Variants in NSUN2 observed in about 807,000 individuals in gnomAD.
NSUN2 encodes RNA cytosine C(5)-methyltransferase NSUN2.
In NSUN2, 63 loss-of-function variants were observed where a neutral mutation model predicts 92.7. The ratio of observed to expected loss-of-function variants is 0.68; its 90% CI spans 0.56 to 0.84. NSUN2 has a LOEUF of 0.84. NSUN2 is among the 40% of genes least tolerant of loss of function. The pLI is 0.00. For missense variants in NSUN2, 989 were observed against 964.9 expected, an observed-to-expected ratio of 1.02 and a Z score of -0.33; for synonymous variants, 356 against 348.3, an observed-to-expected ratio of 1.02 and a Z score of -0.25.
At position 6,601,187 on chromosome 5, in the gene NSUN2, G is replaced by T. The variant is rs569089154; in HGVS notation, c.1998-955C>A. Among the ~76,000 whole-genome samples, 5 of 151,794 alleles carry T rather than the reference G, an allele frequency of 3.3e-5. No individual in the cohort carries two copies. The South Asian group carries it at 1.0e-3, about 32-fold the overall frequency. On this transcript the variant is annotated intron_variant, in intron 18 of 18. Coordinates refer to ENST00000264670, the MANE Select transcript of NSUN2 (RefSeq NM_017755.6). ...TTAAAAAAAAAAAACCATTATTCCTGAAGTTGACCTGTCACCTGTGTATTT... is the reference window on the plus strand; with the variant it reads ...TTAAAAAAAAAAAACCATTATTCCTTAAGTTGACCTGTCACCTGTGTATTT...
In NSUN2 at chr5:6,625,546, C is replaced by T; in HGVS notation, c.465+18G>A. On this transcript the variant is annotated intron_variant, in intron 4 of 18. Coordinates refer to ENST00000264670, the MANE Select transcript of NSUN2 (RefSeq NM_017755.6). The stretch of plus-strand genomic sequence containing the variant: ...TACAGCTTTAAGGAAACTAGCAAGT[C>T]TAAAGAAATCAACTTACAGATTCTG... 6.3e-7 allele frequency: 1 copy of T among 1,577,292 alleles called. No individual in the cohort carries two copies.
rs560456667 is a variant in NSUN2 at position 6,626,950 on chromosome 5, T to C, written c.360-1281A>G. Among the ~76,000 whole-genome samples, 35 of 152,206 alleles carry C rather than the reference T, an allele frequency of 2.3e-4. 1 individual carries two copies. The South Asian group carries it at 6.6e-3, about 29-fold the overall frequency. On this transcript the variant is annotated intron_variant, in intron 3 of 18. Transcript: ENST00000264670. ...AACACATTTGACTGCTTTTAAACTC[T>C]GATTTTTTGATGGAAACAAACTCAG... is the stretch of plus-strand genomic sequence containing the variant.
chr5:6,616,901 GA>G, intron 8 of NSUN2, 44 bp from the exon 9 acceptor site: 1 of 1,566,612 alleles, frequency 6.4e-7, no homozygotes, highest in Non-Finnish European at 8.7e-7. Flanking sequence ...ATGTATCCAT[GA>G]AGTGCACATA....
At chr5:6,624,909 A>G (rs930470317) in intron 4 of NSUN2, among the ~76,000 whole-genome samples, 7 of 152,244 alleles carry the variant, frequency 4.6e-5, no homozygotes, top group African/African-American at 1.7e-4. Flanking sequence ...TATTTAGTAC[A>G]TAAGCAAATA....
chr5:6,614,159 C>G (rs943927356), intron 9 of NSUN2, among the ~76,000 whole-genome samples: 5 of 132,162 alleles, frequency 3.8e-5, no homozygotes, highest in African/African-American at 1.4e-4. Flanking sequence ...ATAAAGCCAA[C>G]TAGAGCCACA....
At chr5:6,610,825 C>T in intron 11 of NSUN2, 130 bp downstream of exon 11, 1 of 1,096,024 alleles carries the variant, frequency 9.1e-7, no homozygotes, top group South Asian at 1.6e-5. Flanking sequence ...TGGGGTTGAC[C>T]CTGGCATAAC....
Position 6,600,084 on chromosome 5 carries a change from TA to T in NSUN2, c.2145del (p.Ile716SerfsTer17), listed in dbSNP as rs1457693600. 6.2e-7 allele frequency: 1 copy of T among 1,614,230 alleles called. No homozygotes were observed. Among genetic ancestry groups the T allele is most frequent in the Admixed American group, 1.7e-5 (1 of 60,028 alleles). On this transcript the variant is annotated frameshift_variant, in exon 19 of 19. Coordinates refer to ENST00000264670, the MANE Select transcript of NSUN2 (RefSeq NM_017755.6). LOFTEE classifies it low-confidence loss of function (END_TRUNC). ...EVLGEKKKEGVILTNESAAST... is the reference protein window; with the variant it reads ...EVLGEKKKEGXILTNESAAST... ...CTGGCTGCACTCTCATTTGTGAGGATAACCCCTTCCTTCTTCTTTTCTCCCA... is the reference window on the plus strand; with the variant it reads ...CTGGCTGCACTCTCATTTGTGAGGATACCCCTTCCTTCTTCTTTTCTCCCA...
Position 6,622,779 on chromosome 5 carries a change from G to A in NSUN2, c.537+435C>T, listed in dbSNP as rs368897406. Among the ~76,000 whole-genome samples, 99 of 150,554 alleles carry A rather than the reference G, an allele frequency of 6.6e-4. 1 individual carries two copies. The highest frequency in any genetic ancestry group is 2.2e-3 in the African/African-American group (92 of 40,940). On this transcript the variant is annotated intron_variant, in intron 5 of 18. Coordinates refer to ENST00000264670, the MANE Select transcript of NSUN2 (RefSeq NM_017755.6). ...GGAGAATTGCCTGAACTCAGGAGGC[G>A]GAGGTTGCAGTGAGCCAAGATCGCG...
chr5:6,610,332 C>T lies in NSUN2; in HGVS notation c.1227-410G>A, dbSNP rs571540328. ...GCTCAAGTGATCCATCAGCCTTGGCCTCCCAAAGTGCTGGGGATTACAGGA... is the reference window on the plus strand; with the variant it reads ...GCTCAAGTGATCCATCAGCCTTGGCTTCCCAAAGTGCTGGGGATTACAGGA... On this transcript the variant is annotated intron_variant, in intron 11 of 18. Coordinates refer to ENST00000264670, the MANE Select transcript of NSUN2 (RefSeq NM_017755.6). Among the ~76,000 whole-genome samples, 10 of 152,144 alleles carry T rather than the reference C, an allele frequency of 6.6e-5. No individual in the cohort carries two copies. The South Asian group carries it at 2.1e-3, about 32-fold the overall frequency.
At chr5:6,605,226 A>G in intron 15 of NSUN2, 47 bp downstream of exon 15, 1 of 1,604,586 alleles carries the variant, frequency 6.2e-7, no homozygotes. Flanking sequence ...GTGAAAAGCC[A>G]CACGCATCCC....
intron 3 of NSUN2, among the ~76,000 whole-genome samples, chr5:6,630,489 A>G (rs1320482704): frequency 6.6e-6 from 1 of 152,092 alleles, no homozygotes; most frequent in Non-Finnish European, 1.5e-5. Context: ...TATTTTTAGT[A>G]GAGATAGGGT....
chr5:6,599,503 T>C lies in NSUN2; in HGVS notation c.*423A>G, dbSNP rs1736454502. On this transcript the variant is annotated 3_prime_UTR_variant, in exon 19 of 19. Coordinates refer to ENST00000264670, the MANE Select transcript of NSUN2 (RefSeq NM_017755.6). ...AGCTCAATGTAATTATTAAAGCTTA[T>C]AACACACTTCCCCAAGAATTTATAG... The C allele has an allele frequency of 6.2e-6, 1 of 160,340 alleles. No homozygotes were observed. Among genetic ancestry groups the C allele is most frequent in the Non-Finnish European group, 1.4e-5 (1 of 72,924 alleles). 9.9% of individuals were successfully genotyped at this position (160,340 alleles called of 1,614,324 possible). A position where few individuals can be genotyped will look rare whatever the true frequency, so the allele number is the denominator to read the frequency against.
At chr5:6,632,539 C>A in intron 2 of NSUN2, 60 bp downstream of exon 2, 2 of 1,569,842 alleles carry the variant, frequency 1.3e-6, no homozygotes, top group South Asian at 1.1e-5. Context: ...AAAACACCGT[C>A]GCCTTTAACC....
At position 6,632,958 on chromosome 5, in the gene NSUN2, G is replaced by A. The variant is rs181415619; in HGVS notation, c.22C>T (p.Arg8Trp). 5,693 of 1,492,594 alleles carry A rather than the reference G, an allele frequency of 3.8e-3. 208 individuals are homozygous for A. In the African/African-American group the frequency reaches 0.075, roughly 20 times the overall value. 92.5% of individuals were successfully genotyped at this position (1,492,594 alleles called of 1,614,324 possible). ...GGCCGCTGCTGTTGCTGGAGCCGCC[G>A]ACCCCGCGACCGCCGCCCCATAGCC... MGRRSRG[R>W]RLQQQQRPED... Residue 8 changes from arginine (R) to tryptophan (W), a missense_variant, in exon 1 of 19, where the codon CGG (arginine) becomes TGG (tryptophan). By Grantham distance (101) the Arg-to-Trp change is moderately radical. This residue lies in a region of NSUN2 where 356 missense variants were observed against 338.6 expected (regional missense o/e 1.05). Transcript: ENST00000264670.
chr5:6,606,092 G>C (rs1736758497), intron 14 of NSUN2, among the ~76,000 whole-genome samples: 1 of 152,180 alleles, frequency 6.6e-6, no homozygotes. Flanking sequence ...AGAAACAGAT[G>C]AATGTCAGAC....
At chr5:6,611,628 T>C (rs1736995915) in intron 10 of NSUN2, 97 bp downstream of exon 10, 1 of 895,290 alleles carries the variant, frequency 1.1e-6, no homozygotes, top group African/African-American at 1.7e-5. Context: ...ATGTAGTATT[T>C]ATTCAAGTTA....
intron 3 of NSUN2, 47 bp from the exon 4 acceptor site, chr5:6,625,716 TCGTC>T: frequency 7.2e-7 from 1 of 1,391,526 alleles, no homozygotes; most frequent in Non-Finnish European, 1.0e-6. Context: ...AATACTAAAG[TCGTC>T]TGTTGACAAC....
At chr5:6,622,640 G>C (rs1360118329) in intron 5 of NSUN2, among the ~76,000 whole-genome samples, 1 of 152,124 alleles carries the variant, frequency 6.6e-6, no homozygotes, top group African/African-American at 2.4e-5. Flanking sequence ...CTGAGGTCGG[G>C]AGTTCGAGAC....
chr5:6,604,493 GC>G, intron 16 of NSUN2, 111 bp downstream of exon 16: 1 of 1,040,420 alleles, frequency 9.6e-7, no homozygotes, highest in Non-Finnish European at 1.5e-6. Context: ...GCTGGTAGGT[GC>G]CAGCCAAGCC....
Sources: gnomAD v4.1 joint callset for allele counts (sites outside exome capture counted in the v4.1 genomes callset) on GRCh38, gnomAD v4.1.1 for gene constraint, gnomAD v4.1.1 regional missense constraint, MANE v1.5 for transcripts, NCBI Gene and HGNC (gene_info 2026-07-23, HGNC 2026-07-21) for gene names.